STT3A: variants seen among roughly 807,000 people sequenced by gnomAD.
The protein encoded by STT3A is STT3 oligosaccharyltransferase complex catalytic subunit A.
Under a neutral mutation model 89.2 loss-of-function variants are expected in STT3A, and 34 were observed. The observed-to-expected ratio is 0.38, with a 90% CI of 0.29 to 0.51. The LOEUF is 0.51. Ranked by LOEUF, STT3A falls within the 20% of genes least tolerant of loss-of-function variation. STT3A has a pLI of 0.89. For synonymous variants in STT3A, 282 were observed against 310.3 expected (o/e 0.91, Z 0.96); for missense variants, 555 against 889.5 (o/e 0.62, Z 4.78).
chr11:125,620,663 C>A, intron 17 of STT3A, 109 bp from the exon 18 acceptor site: 3 of 986,768 alleles, frequency 3.0e-6, no homozygotes, highest in South Asian at 1.4e-5. Flanking sequence ...CTAAACCAGG[C>A]TGCAGAACCC....
At chr11:125,608,761 A>G (rs1939913110) in intron 9 of STT3A, among the ~76,000 whole-genome samples, 1 of 152,200 alleles carries the variant, frequency 6.6e-6, no homozygotes, top group Admixed American at 6.5e-5. Context: ...CAATCCCACA[A>G]TTTTACATTC....
chr11:125,601,662 G>T (rs1024693320), intron 3 of STT3A, among the ~76,000 whole-genome samples: 7 of 151,988 alleles, frequency 4.6e-5, no homozygotes, highest in Admixed American at 6.6e-5. Flanking sequence ...ATCTATTGGT[G>T]CCCACATCTC....
rs569634802 is a variant in STT3A, at chr11:125,620,870, ATT to A, written c.*80_*81del. 47,484 of 870,352 alleles carry A rather than the reference ATT, an allele frequency of 0.055. No homozygotes were observed. The highest frequency in any genetic ancestry group is 0.071 in the South Asian group (3,286 of 46,354). The allele number at this position is 870,352 out of a possible 1,614,324, so 53.9% of individuals were successfully genotyped here. A position where few individuals can be genotyped will look rare whatever the true frequency, so the allele number is the denominator to read the frequency against. Reference sequence around the variant, plus strand: ...GCACATCACATTTAGGACGTTGAAGATTTTTTTTTTTTTTTTTTTTTAATATG... The same window carrying A: ...GCACATCACATTTAGGACGTTGAAGATTTTTTTTTTTTTTTTTTTAATATG... On this transcript the variant is annotated 3_prime_UTR_variant, in exon 18 of 18. Coordinates refer to ENST00000392708, the MANE Select transcript of STT3A (RefSeq NM_152713.5).
At chr11:125,618,835 A>G (rs574872222) in intron 16 of STT3A, among the ~76,000 whole-genome samples, 1 of 151,694 alleles carries the variant, frequency 6.6e-6, no homozygotes, top group South Asian at 2.1e-4. Context: ...CCTGGGCTGA[A>G]GGAGTCCTCC....
Position 125,620,037 on chromosome 11 carries a change from C to T in STT3A, c.1990C>T (p.Arg664Ter), listed in dbSNP as rs1473701645. ...AKRPPGFDRV[R>*]NAEIGNKDFE... ...GCGTCCTCCAGGCTTTGACCGTGTC[C>T]GAAATGCTGAGATTGGGAATAAAGA... The change falls in exon 17 of 18, where the codon CGA becomes TGA. Residue 664 changes from arginine (R) to a stop codon, truncating the protein, a stop_gained. Transcript: ENST00000392708. LOFTEE classifies it high-confidence loss of function. 1.2e-6 allele frequency: 2 copies of T among 1,613,950 alleles called. No homozygotes were observed. Among genetic ancestry groups the T allele is most frequent in the Non-Finnish European group, 1.7e-6 (2 of 1,179,964 alleles).
At chr11:125,596,067 G>A (rs1013301805) in intron 2 of STT3A, 64 bp downstream of exon 2, 6 of 1,229,618 alleles carry the variant, frequency 4.9e-6, no homozygotes, top group Non-Finnish European at 7.0e-6. Context: ...GAAAAAAATT[G>A]AAAATCGCTA....
At chr11:125,596,122 A>T in intron 2 of STT3A, 119 bp downstream of exon 2, 3 of 791,940 alleles carry the variant, frequency 3.8e-6, no homozygotes, top group Non-Finnish European at 4.1e-6. Flanking sequence ...ACATTTTTCC[A>T]TTCCTCATTA....
chr11:125,605,840 A>G, intron 7 of STT3A, 105 bp downstream of exon 7: 2 of 957,380 alleles, frequency 2.1e-6, no homozygotes, highest in Non-Finnish European at 3.1e-6. Flanking sequence ...GTTCCCCTAA[A>G]TTTTTTTCTT....
At chr11:125,595,046 T>C (rs530839100) in intron 1 of STT3A, 24 of 151,996 alleles carry the variant, frequency 1.6e-4, no homozygotes, top group African/African-American at 5.6e-4. Flanking sequence ...GACAGCCCCA[T>C]TGGGATTTGG....
chr11:125,610,203 C>T (rs1032476417), intron 10 of STT3A, among the ~76,000 whole-genome samples: 56 of 151,980 alleles, frequency 3.7e-4, no homozygotes, highest in Admixed American at 3.5e-3. Flanking sequence ...GCTGGGACTA[C>T]AGGTGCACAC....
intron 4 of STT3A, 40 bp downstream of exon 4, chr11:125,602,464 CAG>C (rs537756737): frequency 0.014 from 20,445 of 1,473,070 alleles, 175 homozygotes; most frequent in Non-Finnish European, 0.017. Flanking sequence ...AAAAAAAAAA[CAG>C]AAATATTTGT....
In STT3A at chr11:125,602,441, T is replaced by C. The variant is rs1939710931; in HGVS notation, c.271+17T>C. 6.5e-7 allele frequency: 1 copy of C among 1,549,648 alleles called. No individual in the cohort carries two copies. The highest frequency in any genetic ancestry group is 8.7e-7 in the Non-Finnish European group (1 of 1,155,944). ...TTTACCCAGGTGAGGAGACCAGATG[T>C]GTTTTTTTTTTTAAAAAAAAAACAG... is the stretch of plus-strand genomic sequence containing the variant. On this transcript the variant is annotated intron_variant, in intron 4 of 17. Coordinates refer to ENST00000392708, the MANE Select transcript of STT3A (RefSeq NM_152713.5).
chr11:125,611,566 GT>G, intron 11 of STT3A, 47 bp downstream of exon 11: 1 of 1,556,090 alleles, frequency 6.4e-7, no homozygotes, highest in South Asian at 1.1e-5. Flanking sequence ...TAACTCTGAG[GT>G]GCTTTTTTAT....
chr11:125,597,985 G>A (rs1045124050), intron 3 of STT3A, among the ~76,000 whole-genome samples: 1 of 152,110 alleles, frequency 6.6e-6, no homozygotes, highest in African/African-American at 2.4e-5. Context: ...AGGCCAAGGC[G>A]GGCAGATCAC....
At chr11:125,620,232 A>G in intron 17 of STT3A, 106 bp downstream of exon 17, 2 of 846,514 alleles carry the variant, frequency 2.4e-6, no homozygotes. Context: ...ATTTCTCATG[A>G]CACCTGTGCT....
In STT3A at chr11:125,595,963, A is replaced by G. The variant is rs754016522; in HGVS notation, c.48A>G (p.Thr16=). ...GATTGTCCTATGAGAAGCAGGACACACTTTTGAAGCTTCTCATTCTGTCAA... is the reference window on the plus strand; with the variant it reads ...GATTGTCCTATGAGAAGCAGGACACGCTTTTGAAGCTTCTCATTCTGTCAA... ...FLRLSYEKQD[T]LLKLLILSMA... The change falls in exon 2 of 18, where the codon ACA becomes ACG. Residue 16 remains threonine (T), a synonymous_variant. Coordinates refer to ENST00000392708, the MANE Select transcript of STT3A (RefSeq NM_152713.5). 6.8e-6 allele frequency: 11 copies of G among 1,613,980 alleles called. No individual in the cohort carries two copies. In the African/African-American group the frequency reaches 1.1e-4, roughly 16 times the overall value.
chr11:125,609,732 C>A, intron 10 of STT3A, 143 bp downstream of exon 10: 1 of 957,648 alleles, frequency 1.0e-6, no homozygotes, highest in Non-Finnish European at 1.5e-6. Flanking sequence ...CAAATTTTCT[C>A]ATGTATGAAG....
rs957933269 is a variant in STT3A, at chr11:125,613,725, T to G, written c.1555-362T>G. On this transcript the variant is annotated intron_variant, in intron 13 of 17. Coordinates refer to ENST00000392708, the MANE Select transcript of STT3A (RefSeq NM_152713.5). This position sits in a 1 kb window ranked among gnomAD's most constrained non-coding sequence, Gnocchi z 4.2. The stretch of plus-strand genomic sequence containing the variant: ...TTGAGTTTCCACCCCATCTTTATAG[T>G]AAGTGATTTTTGCAATTCTGTTAAA... The G allele has an allele frequency of 1.1e-5, 2 of 181,104 alleles. No homozygotes were observed. Among genetic ancestry groups the G allele is most frequent in the Admixed American group, 5.6e-5 (1 of 17,780 alleles). The allele number at this position is 181,104 out of a possible 1,614,324, so 11.2% of individuals were successfully genotyped here. A position where few individuals can be genotyped will look rare whatever the true frequency, so the allele number is the denominator to read the frequency against.
chr11:125,606,711 GGAGGGATATTT>G, intron 8 of STT3A, among the ~76,000 whole-genome samples: 1 of 152,176 alleles, frequency 6.6e-6, no homozygotes. Flanking sequence ...TGTGGGAAGG[GGAGGGATATTT>G]AGTTGAGTTG....
Sources: allele counts gnomAD v4.1 joint callset (sites outside exome capture counted in the v4.1 genomes callset), GRCh38; gene constraint gnomAD v4.1.1; non-coding constraint Gnocchi (gnomAD v3.1); transcripts MANE v1.5; gene names NCBI Gene and HGNC (gene_info 2026-07-23, HGNC 2026-07-21).